The following LIMCH1 variants were observed in gnomAD, a reference collection of about 807,000 sequenced individuals.
LIMCH1 encodes the protein LIM and calponin homology domains 1, also known as LIM and calponin homology domains-containing protein 1.
Under a neutral mutation model 176.5 loss-of-function variants are expected in LIMCH1, and 113 were observed. The ratio of observed to expected loss-of-function variants is 0.64; its 90% CI spans 0.55 to 0.75. The LOEUF is 0.75. Ranked by LOEUF, LIMCH1 falls within the 30% of genes least tolerant of loss-of-function variation. The pLI, the probability that LIMCH1 is intolerant of heterozygous loss-of-function variation, is 0.00. For synonymous variants in LIMCH1, 619 were observed against 645.9 expected (o/e 0.96, Z 0.63); for missense variants, 1,674 against 1,814.9 (o/e 0.92, Z 1.41).
intron 1 of LIMCH1, among the ~76,000 whole-genome samples, chr4:41,383,891 A>G (rs1258258470): frequency 6.6e-6 from 1 of 152,196 alleles, no homozygotes; most frequent in African/African-American, 2.4e-5. Context: ...AGAAACTGAG[A>G]TAGGGAAGTG....
intron 22 of LIMCH1, among the ~76,000 whole-genome samples, chr4:41,674,454 C>G (rs61259614): frequency 0.074 from 11,195 of 152,230 alleles, 511 homozygotes; most frequent in South Asian, 0.14. Flanking sequence ...AGCCAACTTC[C>G]AACACCATTA....
intron 1 of LIMCH1, among the ~76,000 whole-genome samples, chr4:41,588,355 G>A (rs535275675): frequency 7.9e-5 from 12 of 152,276 alleles, no homozygotes; most frequent in Admixed American, 3.9e-4. Context: ...GAGGTGGAAG[G>A]AAGTAGAGGA....
At chr4:41,547,872 T>TATATATATATAA (rs2079789154) in intron 1 of LIMCH1, among the ~76,000 whole-genome samples, 1 of 126,960 alleles carries the variant, frequency 7.9e-6, no homozygotes, top group Non-Finnish European at 1.6e-5. Context: ...TGTATATATA[T>TATATATATATAA]ATATATATAT....
Position 41,632,790 on chromosome 4 carries a change from C to T in LIMCH1, c.1643C>T (p.Ser548Leu), listed in dbSNP as rs1487563116. 1.8e-5 allele frequency: 27 copies of T among 1,536,246 alleles called. No homozygotes were observed. The highest frequency in any genetic ancestry group is 1.4e-4 in the Admixed American group (7 of 51,000). ...CGAGGTGACTATTGCAGAAGGGCCTCGTGGCTGGCTCCTGTGCCGGAGTCT... is the reference window on the plus strand; with the variant it reads ...CGAGGTGACTATTGCAGAAGGGCCTTGTGGCTGGCTCCTGTGCCGGAGTCT... ...CGRGDYCRRA[S>L]WLAPVPESQE... The change falls in exon 11 of 32, where the codon TCG becomes TTG. Residue 548 changes from serine to leucine, a missense_variant. Ser to Leu is a moderately radical substitution (Grantham distance 145, BLOSUM62 -2). Coordinates refer to ENST00000503057, the MANE Select transcript of LIMCH1 (RefSeq NM_001330672.2).
chr4:41,408,398 T>A (rs1248171934), intron 1 of LIMCH1, among the ~76,000 whole-genome samples: 1 of 152,174 alleles, frequency 6.6e-6, no homozygotes, highest in Non-Finnish European at 1.5e-5. Context: ...ATAACATGAC[T>A]CCACTGTGAA....
At chr4:41,564,657 A>G (rs113996738) in intron 1 of LIMCH1, among the ~76,000 whole-genome samples, 1,689 of 152,314 alleles carry the variant, frequency 0.011, 32 homozygotes, top group South Asian at 0.085. Flanking sequence ...TCTCACTATA[A>G]GCCGTTGAGT....
chr4:41,375,279 C>T (rs965840352), intron 1 of LIMCH1, among the ~76,000 whole-genome samples: 3 of 152,068 alleles, frequency 2.0e-5, no homozygotes, highest in East Asian at 1.9e-4. Context: ...TTGTTTTACT[C>T]CTATTTTTAT....
chr4:41,433,063 T>C (rs2061739437), intron 1 of LIMCH1, among the ~76,000 whole-genome samples: 1 of 152,260 alleles, frequency 6.6e-6, no homozygotes, highest in South Asian at 2.1e-4. Context: ...CCAGTGACTT[T>C]GCATATCACA....
rs138284631 is a variant in LIMCH1 at position 41,532,380 on chromosome 4, A to G, written c.237+7902A>G. On this transcript the variant is annotated intron_variant, in intron 3 of 26. Transcript: ENST00000313860. The stretch of plus-strand genomic sequence containing the variant: ...TTCTCATAATTTTATATGGCTCCCT[A>G]CTGAATGTGGAATAAAATCCAAACA... 2.3e-3 allele frequency among the ~76,000 whole-genome samples: 346 copies of G among 152,274 alleles called. 1 individual carries two copies. Among genetic ancestry groups the G allele is most frequent in the African/African-American group, 8.1e-3 (335 of 41,536 alleles).
intron 1 of LIMCH1, among the ~76,000 whole-genome samples, chr4:41,561,803 A>C (rs1032011716): frequency 6.6e-6 from 1 of 152,176 alleles, no homozygotes; most frequent in Non-Finnish European, 1.5e-5. Context: ...GTAACCAACA[A>C]TTCTATTCTT....
intron 1 of LIMCH1, among the ~76,000 whole-genome samples, chr4:41,459,298 TG>T (rs2065009268): frequency 1.3e-5 from 2 of 152,070 alleles, no homozygotes; most frequent in East Asian, 3.9e-4. Flanking sequence ...TCCCTCCCTC[TG>T]TCCCTTCCTT....
chr4:41,364,507 T>C (rs1332573703), intron 1 of LIMCH1, among the ~76,000 whole-genome samples: 1 of 152,216 alleles, frequency 6.6e-6, no homozygotes, highest in Non-Finnish European at 1.5e-5. Flanking sequence ...CTGTTAACTC[T>C]GGATACCTGG....
At chr4:41,498,549 GTATT>G (rs2072629333) in intron 2 of LIMCH1, among the ~76,000 whole-genome samples, 1 of 152,190 alleles carries the variant, frequency 6.6e-6, no homozygotes, top group South Asian at 2.1e-4. Flanking sequence ...CCTCTTCTGA[GTATT>G]TAATAAGAGG....
At chr4:41,420,761 G>A (rs763194609) in intron 1 of LIMCH1, among the ~76,000 whole-genome samples, 1 of 152,256 alleles carries the variant, frequency 6.6e-6, no homozygotes, top group Non-Finnish European at 1.5e-5. Flanking sequence ...TGCAGAGCAT[G>A]GAAGAGATGG....
chr4:41,454,788 A>G (rs892051166), intron 1 of LIMCH1, among the ~76,000 whole-genome samples: 1 of 152,234 alleles, frequency 6.6e-6, no homozygotes, highest in Admixed American at 6.5e-5. Flanking sequence ...GCTGTTTTCA[A>G]TGCATGGTAG....
intron 23 of LIMCH1, 54 bp downstream of exon 23, chr4:41,676,516 C>A: frequency 7.9e-7 from 1 of 1,271,444 alleles, no homozygotes; most frequent in Non-Finnish European, 1.1e-6. Flanking sequence ...CTCTTGCTTT[C>A]CATTGCATTA....
At chr4:41,505,210 C>T (rs1471783814) in intron 2 of LIMCH1, among the ~76,000 whole-genome samples, 1 of 152,170 alleles carries the variant, frequency 6.6e-6, no homozygotes, top group African/African-American at 2.4e-5. Context: ...CAGTCAAGCA[C>T]TCAGCATAGC....
chr4:41,581,844 C>T lies in LIMCH1; in HGVS notation c.-240-17076C>T, dbSNP rs550528101. ...AAAAAAAAAAAACAACAGCAAAACTCCACAAGTGAGATCATACAGAATTTA... is the reference window on the plus strand; with the variant it reads ...AAAAAAAAAAAACAACAGCAAAACTTCACAAGTGAGATCATACAGAATTTA... On this transcript the variant is annotated intron_variant, in intron 1 of 31. Transcript: ENST00000503057. Among the ~76,000 whole-genome samples, 4 of 147,712 alleles carry T rather than the reference C, an allele frequency of 2.7e-5. No homozygotes were observed. In the East Asian group the frequency reaches 7.8e-4, roughly 29 times the overall value.
At chr4:41,509,326 G>A (rs1473176777) in intron 2 of LIMCH1, among the ~76,000 whole-genome samples, 1 of 152,152 alleles carries the variant, frequency 6.6e-6, no homozygotes, top group East Asian at 1.9e-4. Flanking sequence ...ATGGAGACCC[G>A]AGGTGGTAGG....
Sources: allele counts gnomAD v4.1 joint callset (sites outside exome capture counted in the v4.1 genomes callset), GRCh38; gene constraint gnomAD v4.1.1; transcripts MANE v1.5; gene names NCBI Gene and HGNC (gene_info 2026-07-23, HGNC 2026-07-21).